Variants in PWWP2A observed in about 807,000 individuals in gnomAD.
The protein encoded by PWWP2A is PWWP domain-containing protein 2A.
Under a neutral mutation model 48.5 loss-of-function variants are expected in PWWP2A, and 18 were observed. The observed-to-expected ratio is 0.37, with a 90% confidence interval of 0.26 to 0.55. PWWP2A has a LOEUF of 0.55. PWWP2A is among the 20% of genes least tolerant of loss of function. PWWP2A has a pLI of 0.81. For synonymous variants in PWWP2A, 396 were observed against 387.7 expected (o/e 1.02, Z -0.25); for missense variants, 867 against 976.4 (o/e 0.89, Z 1.49).
chr5:160,118,804 C>A lies in PWWP2A; in HGVS notation c.584+1G>T, dbSNP rs1240535418. On this transcript the variant is annotated splice_donor_variant, in intron 1 of 1. Transcript: ENST00000307063. LOFTEE classifies it high-confidence loss of function. ...GAGGGTGCTGGGGGCGGGCGCGGTACCTTTTGGACAGATCCATGAGGACCC... is the reference window on the plus strand; with the variant it reads ...GAGGGTGCTGGGGGCGGGCGCGGTAACTTTTGGACAGATCCATGAGGACCC... The A allele has an allele frequency of 6.8e-7, 1 of 1,471,844 alleles. No homozygotes were observed. Among genetic ancestry groups the A allele is most frequent in the South Asian group, 1.4e-5 (1 of 73,948 alleles). The allele number at this position is 1,471,844 out of a possible 1,614,324, so 91.2% of individuals were successfully genotyped here. A position where few individuals can be genotyped will look rare whatever the true frequency, so the allele number is the denominator to read the frequency against.
rs768283049 is a variant in PWWP2A, at chr5:160,065,081, C to T, written c.*237-1408G>A. ...TAACAGATAACAAAGATAACAAAAG[C>T]TTTACAAGCTGACTTGGAATTGTGT... On this transcript the variant is annotated intron_variant and NMD_transcript_variant, in intron 4 of 5. Transcript: ENST00000524050. The T allele has an allele frequency of 3.1e-6, 5 of 1,604,904 alleles. No individual in the cohort carries two copies. The African/African-American group carries it at 6.7e-5, about 22-fold the overall frequency.
At chr5:160,096,064 T>C (rs533653282) in intron 1 of PWWP2A, among the ~76,000 whole-genome samples, 2 of 152,274 alleles carry the variant, frequency 1.3e-5, no homozygotes, top group African/African-American at 4.8e-5. Flanking sequence ...TACTAACAGC[T>C]GTGGACAAAC....
In PWWP2A at chr5:160,077,826, A is replaced by C. The variant is rs1581151874; in HGVS notation, c.*329T>G. The C allele has an allele frequency of 1.3e-5, 4 of 311,908 alleles. No individual in the cohort carries two copies. The highest frequency in any genetic ancestry group is 2.4e-5 in the Non-Finnish European group (4 of 165,482). The allele number at this position is 311,908 out of a possible 1,614,324, so 19.3% of individuals were successfully genotyped here. A position where few individuals can be genotyped will look rare whatever the true frequency, so the allele number is the denominator to read the frequency against. On this transcript the variant is annotated 3_prime_UTR_variant, in exon 4 of 4. Transcript: ENST00000456329. The surrounding 1 kb of genome is among the most constrained non-coding windows in gnomAD (Gnocchi z 4.2). The stretch of plus-strand genomic sequence containing the variant: ...TTTTAGGCCTGTCCAAACTGTACTG[A>C]TAAGAACTTCACATTCCAAAGAAGT...
Position 160,069,892 on chromosome 5 carries a change from T to C in PWWP2A, c.*80-3021A>G, listed in dbSNP as rs1561646383. On this transcript the variant is annotated intron_variant and NMD_transcript_variant, in intron 2 of 5. Coordinates refer to the PWWP2A transcript ENST00000524050. ...AATTAAAAAAATCCCCAACTTTTCC[T>C]TTCGTTTCAGTCTCCTCACCTCCAG... 1.3e-5 allele frequency among the ~76,000 whole-genome samples: 2 copies of C among 152,228 alleles called. 1 individual carries two copies. The highest frequency in any genetic ancestry group is 2.9e-5 in the Non-Finnish European group (2 of 68,044).
chr5:160,069,287 A>T (rs930799089), intron 2 of PWWP2A, among the ~76,000 whole-genome samples: 2 of 144,248 alleles, frequency 1.4e-5, no homozygotes, highest in Non-Finnish European at 3.1e-5. Flanking sequence ...CAACCTATCT[A>T]AAAAAAAAAA....
Position 160,092,996 on chromosome 5 carries a change from G to C in PWWP2A, c.1654C>G (p.Pro552Ala), listed in dbSNP as rs1416669637. The C allele has an allele frequency of 6.4e-7, 1 of 1,574,624 alleles. No homozygotes were observed. Among genetic ancestry groups the C allele is most frequent in the Non-Finnish European group, 8.6e-7 (1 of 1,159,274 alleles). ...CTGCCCTTTTTGCCCAATGTCTGTG[G>C]TTCATCCTGATCACCAGGCACATGC... is the stretch of plus-strand genomic sequence containing the variant. ...EVHVPGDQDE[P>A]QTLGKKGSKN... Residue 552 changes from proline to alanine, a missense_variant, in exon 2 of 2, where the codon CCA becomes GCA. Physicochemically the swap from Pro to Ala is conservative, Grantham distance 27 (BLOSUM62 -1). Around this residue, in one of 4 missense-constraint regions of PWWP2A, gnomAD observed 382 missense variants for 407.2 expected, o/e 0.94. Transcript: ENST00000307063.
rs529907639 is a variant in PWWP2A at position 160,119,406 on chromosome 5, C to G, written c.-18G>C. The G allele has an allele frequency of 1.5e-6, 2 of 1,362,978 alleles. No individual in the cohort carries two copies. The highest frequency in any genetic ancestry group is 3.5e-5 in the South Asian group (2 of 56,840). The allele number at this position is 1,362,978 out of a possible 1,614,324, so 84.4% of individuals were successfully genotyped here. Reference sequence around the variant, plus strand: ...GCCGCCATTTTCTTCCTAGCTTCTCCCTCCTCCAACTCCGGCTGCAGCGGC... The same window carrying G: ...GCCGCCATTTTCTTCCTAGCTTCTCGCTCCTCCAACTCCGGCTGCAGCGGC... On this transcript the variant is annotated 5_prime_UTR_variant, in exon 1 of 2. Coordinates refer to ENST00000307063, the MANE Select transcript of PWWP2A (RefSeq NM_001130864.2).
At chr5:160,045,513 CA>C in the PWWP2A span, among the ~76,000 whole-genome samples, 118 of 50,308 alleles carry the variant, frequency 2.3e-3, no homozygotes, top group East Asian at 3.5e-3. Context: ...CACACACACA[CA>C]TACACACTCT....
chr5:160,080,392 C>G (rs1754144047), intron 3 of PWWP2A, among the ~76,000 whole-genome samples: 1 of 152,154 alleles, frequency 6.6e-6, no homozygotes, highest in South Asian at 2.1e-4. Flanking sequence ...CTTCTACCAC[C>G]CTAAGAGAAT....
chr5:160,048,013 A>AT, the PWWP2A span, among the ~76,000 whole-genome samples: 1 of 152,126 alleles, frequency 6.6e-6, no homozygotes, highest in Admixed American at 6.6e-5. Context: ...GCCCAGAGAC[A>AT]TACTACATTG....
rs1156451193 is a variant in PWWP2A at position 160,091,923 on chromosome 5, T to C, written c.*459A>G. Reference sequence around the variant, plus strand: ...ACCAAGCCCTTATTGCAATCCCAAATATGCAATCTGTGTCACACAGTGACA... The same window carrying C: ...ACCAAGCCCTTATTGCAATCCCAAACATGCAATCTGTGTCACACAGTGACA... On this transcript the variant is annotated 3_prime_UTR_variant, in exon 2 of 2. Transcript: ENST00000307063. 7.1e-6 allele frequency: 7 copies of C among 982,482 alleles called. No individual in the cohort carries two copies. Among genetic ancestry groups the C allele is most frequent in the Non-Finnish European group, 8.5e-6 (7 of 827,950 alleles). The allele number at this position is 982,482 out of a possible 1,614,324, so 60.9% of individuals were successfully genotyped here.
At chr5:160,075,580 G>C (rs554947101), downstream of PWWP2A, among the ~76,000 whole-genome samples, 20 of 152,170 alleles carry the variant, frequency 1.3e-4, no homozygotes, top group African/African-American at 4.6e-4. Context: ...CCCAGCAGCA[G>C]ATATTTAATT....
intron 1 of PWWP2A, among the ~76,000 whole-genome samples, chr5:160,097,979 G>A (rs1284799474): frequency 1.3e-5 from 2 of 152,156 alleles, no homozygotes; most frequent in African/African-American, 4.8e-5. Context: ...CTCCCAAAGT[G>A]CTGGGATTAC....
In PWWP2A at chr5:160,092,896, A is replaced by G; in HGVS notation, c.1754T>C (p.Ile585Thr). 1 of 1,551,664 alleles carries G rather than the reference A, an allele frequency of 6.4e-7. No individual in the cohort carries two copies. Among genetic ancestry groups the G allele is most frequent in the Non-Finnish European group, 8.7e-7 (1 of 1,146,928 alleles). Reference sequence around the variant, plus strand: ...AGATTTCAAATCATCTGTGCTATCAATGCTACACACTGAAGCACTGGAAGA... The same window carrying G: ...AGATTTCAAATCATCTGTGCTATCAGTGCTACACACTGAAGCACTGGAAGA... ...SDSSSASVCS[I>T]DSTDDLKSSN... Residue 585 changes from isoleucine (I) to threonine (T), a missense_variant, in exon 2 of 2, where the codon ATT (isoleucine) becomes ACT (threonine). Coordinates refer to ENST00000307063, the MANE Select transcript of PWWP2A (RefSeq NM_001130864.2).
At chr5:160,103,768 G>T (rs1581239239) in intron 1 of PWWP2A, among the ~76,000 whole-genome samples, 1 of 152,154 alleles carries the variant, frequency 6.6e-6, no homozygotes, top group Non-Finnish European at 1.5e-5. Flanking sequence ...TGGTGAGTGT[G>T]CCTGAGTGGA....
rs1325348086 is a variant in PWWP2A at position 160,093,391 on chromosome 5, C to T, written c.1259G>A (p.Ser420Asn). The stretch of plus-strand genomic sequence containing the variant: ...AGCTTTCGCATGATCCATGTTCTTA[C>T]TCTGGAGAACTTTTTTAGTACTTAA... ...AQLSTKKVLQSKNMDHAKARE... is the reference protein window; with the variant it reads ...AQLSTKKVLQNKNMDHAKARE... Residue 420 changes from serine (S) to asparagine (N), a missense_variant, in exon 2 of 2, where the codon AGT (serine) becomes AAT (asparagine). Transcript: ENST00000307063. The surrounding 1 kb of genome is among the most constrained non-coding windows in gnomAD (Gnocchi z 5.8). The T allele has an allele frequency of 4.3e-6, 7 of 1,613,744 alleles. No homozygotes were observed. Among genetic ancestry groups the T allele is most frequent in the Non-Finnish European group, 3.4e-6 (4 of 1,179,808 alleles).
chr5:160,067,785 GA>G (rs1753649991), intron 2 of PWWP2A, among the ~76,000 whole-genome samples: 1 of 152,190 alleles, frequency 6.6e-6, no homozygotes, highest in South Asian at 2.1e-4. Flanking sequence ...CAAACCTTTT[GA>G]AAATGTTTGA....
intron 2 of PWWP2A, among the ~76,000 whole-genome samples, chr5:160,084,283 C>T (rs968571088): frequency 6.6e-6 from 1 of 152,166 alleles, no homozygotes; most frequent in Non-Finnish European, 1.5e-5. Flanking sequence ...CCTAAGATCA[C>T]ATAGTGTGTA....
At chr5:160,095,646 T>A (rs1755560557) in intron 1 of PWWP2A, among the ~76,000 whole-genome samples, 1 of 151,710 alleles carries the variant, frequency 6.6e-6, no homozygotes, top group African/African-American at 2.4e-5. Flanking sequence ...CTATATTTTC[T>A]ACACTACAAA....
Sources: allele counts gnomAD v4.1 joint callset (sites outside exome capture counted in the v4.1 genomes callset), GRCh38; gene constraint gnomAD v4.1.1; regional missense constraint gnomAD v4.1.1; non-coding constraint Gnocchi (gnomAD v3.1); transcripts MANE v1.5; gene names NCBI Gene and HGNC (gene_info 2026-07-23, HGNC 2026-07-21).